The following POLR2F variants were observed in gnomAD, a reference collection of about 807,000 sequenced individuals.
The protein encoded by POLR2F is RNA polymerase II, I and III subunit F, also known as DNA-directed RNA polymerases I, II, and III subunit RPABC2.
A neutral mutation model predicts 22.7 loss-of-function variants in POLR2F; 12 were observed. The ratio of observed to expected loss-of-function variants is 0.53; its 90% CI spans 0.34 to 0.86. POLR2F has a LOEUF of 0.86. POLR2F is among the 40% of genes least tolerant of loss of function. The probability of loss-of-function intolerance (pLI) is 0.02; values close to 1 mark genes in which losing one functional copy is unlikely to be tolerated. For missense variants in POLR2F, 126 were observed against 171.5 expected (o/e 0.73, Z 1.48); for synonymous variants, 57 against 66.0 (o/e 0.86, Z 0.66).
At chr22:37,963,498 C>T (rs529472533) in intron 3 of POLR2F, among the ~76,000 whole-genome samples, 6 of 152,180 alleles carry the variant, frequency 3.9e-5, no homozygotes, top group East Asian at 3.9e-4. Flanking sequence ...CAAAAAGACT[C>T]CTGGCTTCCA....
At chr22:37,973,797 G>A, downstream of POLR2F, 1 of 1,595,062 alleles carries the variant, frequency 6.3e-7, no homozygotes, top group Non-Finnish European at 8.6e-7. Context: ...GTGTAGTGTG[G>A]GGGCCCCTGG....
intron 5 of POLR2F, chr22:38,032,555 C>T (rs2085076663): frequency 1.3e-5 from 2 of 152,292 alleles, no homozygotes; most frequent in Admixed American, 1.3e-4. Flanking sequence ...GTCCACTGAG[C>T]TCTGCTATTC....
In POLR2F at chr22:37,988,587, G is replaced by C. The variant is rs921877107; in HGVS notation, c.120+2275G>C. The stretch of plus-strand genomic sequence containing the variant: ...AATCACTTGAACTCAAGAGGCAGAG[G>C]TTGCAGTGAGCCGAGATCGCACCAC... On this transcript the variant is annotated intron_variant, in intron 1 of 2. Coordinates refer to the POLR2F transcript ENST00000333418. Among the ~76,000 whole-genome samples, 7 of 151,906 alleles carry C rather than the reference G, an allele frequency of 4.6e-5. No homozygotes were observed. The South Asian group carries it at 1.5e-3, about 32-fold the overall frequency.
At chr22:38,012,433 A>G (rs1008990487) in intron 1 of POLR2F, among the ~76,000 whole-genome samples, 1 of 152,176 alleles carries the variant, frequency 6.6e-6, no homozygotes, top group African/African-American at 2.4e-5. Context: ...AGCGTTGCCA[A>G]GGCAGTACAA....
At chr22:37,998,738 G>A (rs2084740920) in intron 1 of POLR2F, among the ~76,000 whole-genome samples, 1 of 152,122 alleles carries the variant, frequency 6.6e-6, no homozygotes. Flanking sequence ...AGAACAAGGG[G>A]CCCATTCTGT....
At chr22:37,973,981 C>T (rs1932144389), downstream of POLR2F, 2 of 1,612,526 alleles carry the variant, frequency 1.2e-6, no homozygotes, top group East Asian at 2.2e-5. Context: ...GGCCTGGGTG[C>T]CCATTGGGCG....
intron 3 of POLR2F, among the ~76,000 whole-genome samples, chr22:37,961,301 C>T (rs1931632324): frequency 6.6e-6 from 1 of 152,160 alleles, no homozygotes; most frequent in South Asian, 2.1e-4. Context: ...AGTGATTCTC[C>T]TGCCTCAGCT....
At chr22:38,023,992 C>T (rs1034115808) in intron 1 of POLR2F, among the ~76,000 whole-genome samples, 1 of 152,070 alleles carries the variant, frequency 6.6e-6, no homozygotes, top group Non-Finnish European at 1.5e-5. Flanking sequence ...TAGGTGCCTG[C>T]CACCATGCCC....
chr22:37,992,085 C>G (rs865998934), intron 1 of POLR2F, among the ~76,000 whole-genome samples: 11 of 152,286 alleles, frequency 7.2e-5, no homozygotes, highest in Non-Finnish European at 1.0e-4. Context: ...ATCCTTCCAC[C>G]TCACCCTCCT....
In POLR2F at chr22:38,017,839, AC is replaced by A. The variant is rs1324431883; in HGVS notation, c.121-8027del. ...TGAACTCTGTCTCCCTGCAGCTTCT[AC>A]CCTTTGGTTCCAGTTCTACTCATTG... On this transcript the variant is annotated intron_variant, in intron 1 of 2. Coordinates refer to the POLR2F transcript ENST00000333418. The surrounding 1 kb of genome is among the most constrained non-coding windows in gnomAD (Gnocchi z 4.1). Among the ~76,000 whole-genome samples the A allele has an allele frequency of 6.6e-6, 1 of 152,102 alleles. No homozygotes were observed. The highest frequency in any genetic ancestry group is 2.4e-5 in the African/African-American group (1 of 41,410).
intron 5 of POLR2F, chr22:38,033,105 GT>G (rs1301479938): frequency 6.1e-6 from 1 of 164,918 alleles, no homozygotes; most frequent in Non-Finnish European, 1.5e-5. Flanking sequence ...GCTGCAGTGA[GT>G]TGTGATCATG....
intron 3 of POLR2F, among the ~76,000 whole-genome samples, chr22:37,965,886 G>T (rs1334344210): frequency 1.3e-5 from 2 of 152,180 alleles, no homozygotes; most frequent in East Asian, 3.8e-4. Flanking sequence ...ATTTGTTGGT[G>T]TGAACCTGAG....
rs1025244386 is a variant in POLR2F at position 37,980,130 on chromosome 22, A to G, written c.293+12960A>G. On this transcript the variant is annotated intron_variant, in intron 4 of 4. Transcript: ENST00000405557. This position sits in a 1 kb window ranked among gnomAD's most constrained non-coding sequence, Gnocchi z 4.1. ...GCCGAGACTCTGTCAGAGTCAGTGTACACACTTAGGACAAAGATGCCGGAG... is the reference window on the plus strand; with the variant it reads ...GCCGAGACTCTGTCAGAGTCAGTGTGCACACTTAGGACAAAGATGCCGGAG... 1.3e-5 allele frequency among the ~76,000 whole-genome samples: 2 copies of G among 152,086 alleles called. No homozygotes were observed. The highest frequency in any genetic ancestry group is 2.9e-5 in the Non-Finnish European group (2 of 68,022).
At chr22:37,962,425 G>A (rs951779449) in intron 3 of POLR2F, among the ~76,000 whole-genome samples, 1 of 152,048 alleles carries the variant, frequency 6.6e-6, no homozygotes, top group African/African-American at 2.4e-5. Context: ...GGGTTTTATG[G>A]GTGGACAACA....
At position 37,997,635 on chromosome 22, in the gene POLR2F, C is replaced by T. The variant is rs1320468515; in HGVS notation, c.120+11323C>T. On this transcript the variant is annotated intron_variant, in intron 1 of 2. Coordinates refer to the POLR2F transcript ENST00000333418. This position sits in a 1 kb window ranked among gnomAD's most constrained non-coding sequence, Gnocchi z 4.4. The stretch of plus-strand genomic sequence containing the variant: ...TGTGGCAACCTGCAGTCTTCCCCAC[C>T]TGGCTCCAGCCTACCTTCCCCAGGA... Among the ~76,000 whole-genome samples, 1 of 152,162 alleles carries T rather than the reference C, an allele frequency of 6.6e-6. No individual in the cohort carries two copies. Among genetic ancestry groups the T allele is most frequent in the African/African-American group, 2.4e-5 (1 of 41,440 alleles).
rs1931937110 is a variant in POLR2F at position 37,968,276 on chromosome 22, G to A, written c.*561G>A. 1.0e-6 allele frequency: 1 copy of A among 985,662 alleles called. No individual in the cohort carries two copies. The highest frequency in any genetic ancestry group is 1.2e-6 in the Non-Finnish European group (1 of 830,096). The allele number at this position is 985,662 out of a possible 1,614,324, so 61.1% of individuals were successfully genotyped here. A position where few individuals can be genotyped will look rare whatever the true frequency, so the allele number is the denominator to read the frequency against. The stretch of plus-strand genomic sequence containing the variant: ...TCCCACCCTCCCCAGGCAGAGCCCT[G>A]CTGGGCAAGTCAGCAGCTGGAGCAA... On this transcript the variant is annotated 3_prime_UTR_variant, in exon 5 of 5. Coordinates refer to ENST00000442738, the MANE Select transcript of POLR2F (RefSeq NM_021974.5).
rs2145762326 is a variant in POLR2F, at chr22:37,974,322, T to G, written c.293+7152T>G. 2 of 721,450 alleles carry G rather than the reference T, an allele frequency of 2.8e-6. No individual in the cohort carries two copies. The highest frequency in any genetic ancestry group is 5.1e-5 in the East Asian group (2 of 39,570). The allele number at this position is 721,450 out of a possible 1,614,324, so 44.7% of individuals were successfully genotyped here. Reference sequence around the variant, plus strand: ...GTGCCTCTGGGAAAACCTTGTAAGTTTCACATTTTGGCAGCATGAGTCGGG... The same window carrying G: ...GTGCCTCTGGGAAAACCTTGTAAGTGTCACATTTTGGCAGCATGAGTCGGG... On this transcript the variant is annotated intron_variant, in intron 4 of 4. Transcript: ENST00000405557. The surrounding 1 kb of genome is among the most constrained non-coding windows in gnomAD (Gnocchi z 5.4).
rs1932360502 is a variant in POLR2F, at chr22:37,980,363, TGC to T, written c.293+13194_293+13195del. Reference sequence around the variant, plus strand: ...CTCACTCTTTCACCTATCCTTCCCTTGCCCCCTGCCCAGCTGGCAGCCAGCAT... The same window carrying T: ...CTCACTCTTTCACCTATCCTTCCCTTCCCCTGCCCAGCTGGCAGCCAGCAT... On this transcript the variant is annotated intron_variant, in intron 4 of 4. Coordinates refer to the POLR2F transcript ENST00000405557. This position sits in a 1 kb window ranked among gnomAD's most constrained non-coding sequence, Gnocchi z 4.1. Among the ~76,000 whole-genome samples, 1 of 152,088 alleles carries T rather than the reference TGC, an allele frequency of 6.6e-6. No homozygotes were observed. The highest frequency in any genetic ancestry group is 1.5e-5 in the Non-Finnish European group (1 of 67,998).
At chr22:37,975,452 G>A (rs1359441586) in intron 4 of POLR2F, among the ~76,000 whole-genome samples, 1 of 152,220 alleles carries the variant, frequency 6.6e-6, no homozygotes, top group Non-Finnish European at 1.5e-5. Context: ...TGGTTGCTCT[G>A]TATGTGGTCC....
Sources: allele counts gnomAD v4.1 joint callset (sites outside exome capture counted in the v4.1 genomes callset), GRCh38; gene constraint gnomAD v4.1.1; non-coding constraint Gnocchi (gnomAD v3.1); transcripts MANE v1.5; gene names NCBI Gene and HGNC (gene_info 2026-07-23, HGNC 2026-07-21).